SOX5: variants seen among roughly 807,000 people sequenced by gnomAD.
SOX5 encodes the protein SRY-box transcription factor 5, also known as transcription factor SOX-5.
Under a neutral mutation model 92.0 loss-of-function variants are expected in SOX5, and 9 were observed. The observed-to-expected ratio is 0.10, with a 90% CI of 0.06 to 0.17. The LOEUF is 0.17. Ranked by LOEUF, SOX5 falls within the 10% of genes least tolerant of loss-of-function variation. SOX5 has a pLI of 1.00. For synonymous variants in SOX5, 344 were observed against 336.3 expected (o/e 1.02, Z -0.25); for missense variants, 642 against 944.5 (o/e 0.68, Z 4.20).
At chr12:24,195,240 C>T (rs548637481) in intron 4 of SOX5, among the ~76,000 whole-genome samples, 23 of 151,630 alleles carry the variant, frequency 1.5e-4, no homozygotes, top group Non-Finnish European at 3.1e-4. Flanking sequence ...CTATTTTAAA[C>T]GAGTAAACTC....
chr12:24,551,282 C>T lies in SOX5; in HGVS notation c.-251+11047G>A, dbSNP rs542773394. Among the ~76,000 whole-genome samples the T allele has an allele frequency of 1.2e-4, 18 of 152,276 alleles. 1 individual carries two copies. The South Asian group carries it at 3.7e-3, about 32-fold the overall frequency. Reference sequence around the variant, plus strand: ...TATTAGCAAGACACTGTGCTGGGCACGCTGGTGGATTTTCATAACAGTAAA... The same window carrying T: ...TATTAGCAAGACACTGTGCTGGGCATGCTGGTGGATTTTCATAACAGTAAA... On this transcript the variant is annotated intron_variant, in intron 1 of 4. Coordinates refer to the SOX5 transcript ENST00000446891.
intron 1 of SOX5, among the ~76,000 whole-genome samples, chr12:24,392,788 T>G (rs1455083029): frequency 6.6e-6 from 1 of 152,148 alleles, no homozygotes. Flanking sequence ...AAAAAATAAT[T>G]TTTAAATGAA....
chr12:23,905,582 A>T (rs984759507), intron 1 of SOX5, among the ~76,000 whole-genome samples: 1 of 152,222 alleles, frequency 6.6e-6, no homozygotes, highest in Non-Finnish European at 1.5e-5. Flanking sequence ...GATAAATAAA[A>T]CAGAAGAAAA....
intron 1 of SOX5, among the ~76,000 whole-genome samples, chr12:24,379,705 C>T (rs1188767800): frequency 6.6e-6 from 1 of 152,144 alleles, no homozygotes; most frequent in Non-Finnish European, 1.5e-5. Flanking sequence ...CGGGTTCCAA[C>T]TGTTCCTGAG....
intron 2 of SOX5, among the ~76,000 whole-genome samples, chr12:24,316,196 T>TTTA (rs1949682444): frequency 6.6e-6 from 1 of 152,104 alleles, no homozygotes; most frequent in Non-Finnish European, 1.5e-5. Flanking sequence ...AAGTGGCTGG[T>TTTA]TTAATCTTTA....
chr12:23,633,586 TAA>T (rs572269002), intron 8 of SOX5, among the ~76,000 whole-genome samples: 384 of 151,548 alleles, frequency 2.5e-3, no homozygotes, highest in Non-Finnish European at 4.4e-3. Flanking sequence ...CTCTTGGAGG[TAA>T]AAAAGAGTAC....
intron 2 of SOX5, among the ~76,000 whole-genome samples, chr12:24,280,988 GGAGA>G (rs748413216): frequency 2.0e-5 from 2 of 98,618 alleles, no homozygotes; most frequent in Non-Finnish European, 2.1e-5. Flanking sequence ...TCAGGGGAAG[GGAGA>G]GAGAGAGAGA....
Position 23,689,221 on chromosome 12 carries a change from A to G in SOX5, c.811-23657T>C, listed in dbSNP as rs142119156. 1.4e-4 allele frequency among the ~76,000 whole-genome samples: 22 copies of G among 152,210 alleles called. No homozygotes were observed. In the East Asian group the frequency reaches 3.9e-3, roughly 27 times the overall value. On this transcript the variant is annotated intron_variant, in intron 6 of 14. Coordinates refer to ENST00000451604, the MANE Select transcript of SOX5 (RefSeq NM_006940.6). ...TTGGCTACAGCATTATCCTACGGGT[A>G]TAGTTAAATTCTTACTTAGGAGCTA...
chr12:23,841,422 T>A (rs1040291250), intron 3 of SOX5, among the ~76,000 whole-genome samples: 3 of 152,016 alleles, frequency 2.0e-5, no homozygotes, highest in Non-Finnish European at 4.4e-5. Context: ...TAAAATATAA[T>A]CTTCTCATAA....
chr12:24,406,145 T>A (rs986517937), intron 1 of SOX5, among the ~76,000 whole-genome samples: 3 of 152,052 alleles, frequency 2.0e-5, no homozygotes, highest in Non-Finnish European at 4.4e-5. Context: ...AAGAGGCATG[T>A]TTTCCTAGAG....
chr12:24,383,160 C>T (rs547671739), intron 1 of SOX5, among the ~76,000 whole-genome samples: 1 of 152,282 alleles, frequency 6.6e-6, no homozygotes, highest in African/African-American at 2.4e-5. Context: ...TCAAGCTATC[C>T]TTCCACCTCT....
At chr12:23,558,434 A>C (rs1945612106) in intron 11 of SOX5, among the ~76,000 whole-genome samples, 1 of 152,138 alleles carries the variant, frequency 6.6e-6, no homozygotes, top group Non-Finnish European at 1.5e-5. Flanking sequence ...CTCCTTCCTG[A>C]ATCTGCCTGC....
chr12:24,209,886 C>T (rs1158250507), intron 4 of SOX5, among the ~76,000 whole-genome samples: 1 of 149,626 alleles, frequency 6.7e-6, no homozygotes, highest in East Asian at 2.0e-4. Context: ...GGCGTAGTGG[C>T]GGGCGCCTGT....
intron 10 of SOX5, among the ~76,000 whole-genome samples, chr12:23,567,726 G>C (rs142169912): frequency 7.2e-5 from 11 of 152,102 alleles, no homozygotes; most frequent in Non-Finnish European, 1.2e-4. Flanking sequence ...AAAGTGCTAG[G>C]ATTACAGGCA....
intron 7 of SOX5, among the ~76,000 whole-genome samples, chr12:23,641,827 T>C (rs562359487): frequency 1.0e-3 from 158 of 152,324 alleles, no homozygotes; most frequent in African/African-American, 3.7e-3. Flanking sequence ...ATAAAACATT[T>C]TGTAGAAATC....
intron 2 of SOX5, among the ~76,000 whole-genome samples, chr12:24,306,424 T>C (rs548990637): frequency 1.1e-4 from 16 of 152,326 alleles, no homozygotes. Flanking sequence ...GCAAAGATTG[T>C]TATTTCCATA....
chr12:23,876,869 T>C (rs2096933066), intron 2 of SOX5, among the ~76,000 whole-genome samples: 1 of 152,136 alleles, frequency 6.6e-6, no homozygotes, highest in Admixed American at 6.5e-5. Flanking sequence ...CTGGAAACCA[T>C]AATTCTCAGC....
intron 6 of SOX5, among the ~76,000 whole-genome samples, chr12:23,717,710 C>T (rs1345458524): frequency 6.6e-6 from 1 of 152,048 alleles, no homozygotes; most frequent in Admixed American, 6.6e-5. Flanking sequence ...CTTAACACAG[C>T]CAGAACGGAA....
At chr12:24,383,480 T>G (rs1958039765) in intron 1 of SOX5, among the ~76,000 whole-genome samples, 1 of 152,172 alleles carries the variant, frequency 6.6e-6, no homozygotes, top group African/African-American at 2.4e-5. Context: ...AATGGAAAAT[T>G]CCAGAAATAA....
Sources: allele counts gnomAD v4.1 joint callset (sites outside exome capture counted in the v4.1 genomes callset), GRCh38; gene constraint gnomAD v4.1.1; transcripts MANE v1.5; gene names NCBI Gene and HGNC (gene_info 2026-07-23, HGNC 2026-07-21).